Variants in RBM19 observed in about 807,000 individuals in gnomAD.
RBM19 encodes RNA binding motif protein 19.
RBM19 carries 94 observed loss-of-function variants against 116.8 expected under a neutral mutation model. The ratio of observed to expected loss-of-function variants is 0.80; its 90% CI spans 0.68 to 0.95. RBM19 has a LOEUF of 0.95. RBM19 is among the 40% of genes least tolerant of loss of function. The pLI is 0.00. For missense variants in RBM19, 1,161 were observed against 1,220.7 expected, an observed-to-expected ratio of 0.95 and a Z score of 0.73; for synonymous variants, 475 against 494.1, an observed-to-expected ratio of 0.96 and a Z score of 0.51.
intron 9 of RBM19, 109 bp downstream of exon 9, chr12:113,949,974 A>G (rs1474473440): frequency 1.0e-6 from 1 of 1,002,860 alleles, no homozygotes. Context: ...CTGCAGAGAC[A>G]CTGCATTCTT....
In RBM19 at chr12:113,928,661, G is replaced by GTGTGTGTGTGTGTGTC. The variant is rs1555242499; in HGVS notation, c.2069-1433_2069-1432insGACACACACACACACA. Among the ~76,000 whole-genome samples, 707 of 149,438 alleles carry GTGTGTGTGTGTGTGTC rather than the reference G, an allele frequency of 4.7e-3. 8 individuals are homozygous for GTGTGTGTGTGTGTGTC. Among genetic ancestry groups the GTGTGTGTGTGTGTGTC allele is most frequent in the East Asian group, 0.032 (152 of 4,732 alleles). Reference sequence around the variant, plus strand: ...TGTGTGTGTGTGTGTGTGTGTGTGTGTCTGCAGCTCAGGGAGTTGGGAACA... The same window carrying GTGTGTGTGTGTGTGTC: ...TGTGTGTGTGTGTGTGTGTGTGTGTGTGTGTGTGTGTGTGTCTCTGCAGCTCAGGGAGTTGGGAACA... On this transcript the variant is annotated intron_variant, in intron 16 of 23. Coordinates refer to ENST00000261741, the MANE Select transcript of RBM19 (RefSeq NM_016196.4).
intron 21 of RBM19, among the ~76,000 whole-genome samples, chr12:113,896,287 C>G (rs1881317147): frequency 6.6e-6 from 1 of 152,176 alleles, no homozygotes; most frequent in Non-Finnish European, 1.5e-5. Context: ...GTTCGCTTGC[C>G]CCAGAGCAGG....
intron 23 of RBM19, among the ~76,000 whole-genome samples, chr12:113,833,467 C>T (rs1316838313): frequency 6.6e-6 from 1 of 152,196 alleles, no homozygotes; most frequent in Non-Finnish European, 1.5e-5. Context: ...TCCCACTGCA[C>T]CTTGAATACA....
chr12:113,892,854 C>T (rs965551503), intron 21 of RBM19, among the ~76,000 whole-genome samples: 2 of 152,054 alleles, frequency 1.3e-5, no homozygotes, highest in African/African-American at 4.8e-5. Flanking sequence ...AAAGTGGTAT[C>T]CGTGTTCGGT....
At chr12:113,856,247 A>G (rs1322258318) in intron 22 of RBM19, among the ~76,000 whole-genome samples, 1 of 152,178 alleles carries the variant, frequency 6.6e-6, no homozygotes, top group African/African-American at 2.4e-5. Flanking sequence ...AAATCACTAG[A>G]GGGCTGTGCT....
rs1200690765 is a variant in RBM19 at position 113,924,672 on chromosome 12, A to G, written c.2305+25T>C. ...CACTCTTTCCGGCTGAATACTGAAC[A>G]CTTTCCGAATTTCATGCGGAATACC... On this transcript the variant is annotated intron_variant, in intron 18 of 23. Transcript: ENST00000261741. 2.6e-6 allele frequency: 4 copies of G among 1,523,370 alleles called. No homozygotes were observed. The Admixed American group carries it at 5.0e-5, about 19-fold the overall frequency. 94.4% of individuals were successfully genotyped at this position (1,523,370 alleles called of 1,614,324 possible).
intron 16 of RBM19, among the ~76,000 whole-genome samples, chr12:113,934,892 GAGAGGCAGATTCTCATGC>G (rs1049641508): frequency 3.3e-5 from 5 of 152,122 alleles, no homozygotes; most frequent in Admixed American, 3.3e-4. Flanking sequence ...CGAAGGAACA[GAGAGGCAGATTCTCATGC>G]ATTCCCTCAC....
intron 23 of RBM19, among the ~76,000 whole-genome samples, chr12:113,829,965 G>C (rs544774436): frequency 1.3e-5 from 2 of 152,330 alleles, no homozygotes; most frequent in Admixed American, 1.3e-4. Context: ...GGCTGGCTCT[G>C]GACTTTCCTA....
intron 5 of RBM19, 47 bp from the exon 6 acceptor site, chr12:113,958,097 A>G (rs1243057981): frequency 6.4e-7 from 1 of 1,554,282 alleles, no homozygotes; most frequent in Non-Finnish European, 8.7e-7. Flanking sequence ...TGAGCAAACC[A>G]GAGGTCAGAG....
intron 23 of RBM19, among the ~76,000 whole-genome samples, chr12:113,832,752 C>G (rs1009950451): frequency 2.0e-5 from 3 of 152,198 alleles, no homozygotes; most frequent in Non-Finnish European, 4.4e-5. Context: ...ATGGAAGGAA[C>G]CACGACCAAA....
chr12:113,887,634 CAAA>C (rs35665613), intron 21 of RBM19, among the ~76,000 whole-genome samples: 1 of 71,174 alleles, frequency 1.4e-5, no homozygotes, highest in Non-Finnish European at 2.5e-5. Context: ...GACTCCATCT[CAAA>C]AAAAAAAAAA....
chr12:113,921,158 T>C (rs1414367023), intron 18 of RBM19, among the ~76,000 whole-genome samples: 3 of 152,218 alleles, frequency 2.0e-5, no homozygotes, highest in African/African-American at 7.2e-5. Context: ...GTTTCAGATA[T>C]AAAGTTTGGA....
At position 113,903,027 on chromosome 12, in the gene RBM19, G is replaced by A. The variant is rs1416528657; in HGVS notation, c.2558+11942C>T. Among the ~76,000 whole-genome samples, 1 of 152,120 alleles carries A rather than the reference G, an allele frequency of 6.6e-6. No individual in the cohort carries two copies. Among genetic ancestry groups the A allele is most frequent in the Admixed American group, 6.5e-5 (1 of 15,272 alleles). Reference sequence around the variant, plus strand: ...TAGAAGATTTTCATTACCTCACACAGAAGTCCTGTACCCTCTATCCAGTAA... The same window carrying A: ...TAGAAGATTTTCATTACCTCACACAAAAGTCCTGTACCCTCTATCCAGTAA... On this transcript the variant is annotated intron_variant, in intron 21 of 23. Transcript: ENST00000261741. This position sits in a 1 kb window ranked among gnomAD's most constrained non-coding sequence, Gnocchi z 5.1.
At chr12:113,912,584 A>G (rs978341539) in intron 21 of RBM19, among the ~76,000 whole-genome samples, 1 of 152,210 alleles carries the variant, frequency 6.6e-6, no homozygotes, top group African/African-American at 2.4e-5. Context: ...TGGGTGCAAA[A>G]GGAATGACAG....
At chr12:113,911,147 C>T (rs1428245483) in intron 21 of RBM19, among the ~76,000 whole-genome samples, 3 of 152,210 alleles carry the variant, frequency 2.0e-5, no homozygotes, top group Non-Finnish European at 4.4e-5. Flanking sequence ...GGTGAGCTGA[C>T]CACTGGCCAT....
chr12:113,918,208 A>G (rs1328567657), intron 20 of RBM19, among the ~76,000 whole-genome samples, 184 bp downstream of exon 20: 2 of 152,184 alleles, frequency 1.3e-5, no homozygotes, highest in Non-Finnish European at 2.9e-5. Context: ...GTTCACTGGG[A>G]AAATCAGGGT....
chr12:113,907,142 A>T (rs1046523079), intron 21 of RBM19, among the ~76,000 whole-genome samples: 9 of 152,038 alleles, frequency 5.9e-5, no homozygotes, highest in African/African-American at 1.9e-4. Context: ...TAAGACCCCC[A>T]TTGTGGCATG....
At chr12:113,841,135 C>T (rs1157950509) in intron 23 of RBM19, among the ~76,000 whole-genome samples, 3 of 152,210 alleles carry the variant, frequency 2.0e-5, no homozygotes, top group South Asian at 4.1e-4. Flanking sequence ...CACTCAAGCC[C>T]GCCCTGAGGG....
At chr12:113,937,317 C>G (rs1009052134) in intron 15 of RBM19, 181 bp from the exon 16 acceptor site, 2 of 648,302 alleles carry the variant, frequency 3.1e-6, no homozygotes, top group South Asian at 2.3e-5. Context: ...GGACAACATT[C>G]GGCCCCCATG....
Sources: gnomAD v4.1 joint callset for allele counts (sites outside exome capture counted in the v4.1 genomes callset) on GRCh38, gnomAD v4.1.1 for gene constraint, Gnocchi (gnomAD v3.1) non-coding constraint, MANE v1.5 for transcripts, NCBI Gene and HGNC (gene_info 2026-07-23, HGNC 2026-07-21) for gene names.